PHRF1: variants seen among roughly 807,000 people sequenced by gnomAD.
PHRF1 encodes the protein PHD and ring finger domains 1.
A neutral mutation model predicts 128.9 loss-of-function variants in PHRF1; 53 were observed. That is an observed-to-expected ratio of 0.41 (90% CI 0.33 to 0.52). The LOEUF (loss-of-function observed/expected upper bound fraction) is 0.52, where lower values mean the gene tolerates loss of function less well. Among genes scored for constraint, PHRF1 ranks in the 20% least tolerant of loss-of-function variants. PHRF1 has a pLI of 0.21. For missense variants in PHRF1, 2,503 were observed against 2,284.5 expected, an observed-to-expected ratio of 1.10 and a Z score of -1.95; for synonymous variants, 1,178 against 980.6, an observed-to-expected ratio of 1.20 and a Z score of -3.76.
intron 15 of PHRF1, 62 bp downstream of exon 15, chr11:610,409 C>T (rs1340234060): frequency 6.5e-7 from 1 of 1,538,838 alleles, no homozygotes; most frequent in Non-Finnish European, 8.8e-7. Context: ...GTGCCACACA[C>T]ACCACACTAG....
chr11:592,444 G>T (rs1589875153), intron 5 of PHRF1, 115 bp from the exon 6 acceptor site: 17 of 1,023,422 alleles, frequency 1.7e-5, no homozygotes, highest in Non-Finnish European at 2.2e-5. Context: ...GGCCTGTGGA[G>T]CCCAAATATG....
At position 581,131 on chromosome 11, in the gene PHRF1, TAAA is replaced by T. The variant is rs1854178406; in HGVS notation, c.-21-358_-21-356del. Among the ~76,000 whole-genome samples the T allele has an allele frequency of 2.0e-5, 3 of 152,040 alleles. No homozygotes were observed. The South Asian group carries it at 6.2e-4, about 32-fold the overall frequency. ...GACCAATTTTTTTTTTTTTTTTAGT[TAAA>T]AACAAATTTTTATTTTCTGGCCGGG... On this transcript the variant is annotated intron_variant, in intron 1 of 17. Coordinates refer to ENST00000264555, the MANE Select transcript of PHRF1 (RefSeq NM_001286581.2).
intron 4 of PHRF1, 57 bp from the exon 5 acceptor site, chr11:591,327 T>C (rs2132939251): frequency 2.1e-6 from 3 of 1,459,622 alleles, no homozygotes; most frequent in East Asian, 2.4e-5. Context: ...AAAAGAATTT[T>C]TGATCTCTAA....
intron 4 of PHRF1, among the ~76,000 whole-genome samples, chr11:588,113 G>A (rs948374917): frequency 2.6e-5 from 4 of 152,088 alleles, no homozygotes; most frequent in South Asian, 2.1e-4. Context: ...CCCTCCCTGC[G>A]ATTGCACCAG....
At chr11:598,238 C>G in intron 8 of PHRF1, 135 bp from the exon 9 acceptor site, 1 of 1,266,622 alleles carries the variant, frequency 7.9e-7, no homozygotes, top group Non-Finnish European at 1.1e-6. Context: ...GCCGTGGCTG[C>G]TGCAGTGGCG....
chr11:599,562 C>T (rs1855509988), intron 9 of PHRF1, among the ~76,000 whole-genome samples: 1 of 152,068 alleles, frequency 6.6e-6, no homozygotes, highest in Non-Finnish European at 1.5e-5. Context: ...CTGAAGCGTA[C>T]GTGCTTTTTA....
At chr11:578,239 C>T (rs542130971) in intron 1 of PHRF1, among the ~76,000 whole-genome samples, 2 of 152,198 alleles carry the variant, frequency 1.3e-5, no homozygotes, top group Non-Finnish European at 2.9e-5. Context: ...CGGAGGCTTC[C>T]TGGGTTATTT....
chr11:609,744 C>T (rs765788671), intron 14 of PHRF1, 24 bp downstream of exon 14: 176 of 1,408,128 alleles, frequency 1.2e-4, no homozygotes, highest in Non-Finnish European at 1.5e-4. Flanking sequence ...CGGCCCCCAC[C>T]GAGGACAGAG....
chr11:586,427 A>G (rs1028094366), intron 3 of PHRF1, among the ~76,000 whole-genome samples: 2 of 152,214 alleles, frequency 1.3e-5, no homozygotes, highest in African/African-American at 4.8e-5. Flanking sequence ...CCTTTGCCAG[A>G]TAACAGAGGG....
chr11:591,168 G>T (rs770075583), intron 4 of PHRF1, among the ~76,000 whole-genome samples: 2 of 152,184 alleles, frequency 1.3e-5, no homozygotes, highest in African/African-American at 4.8e-5. Flanking sequence ...GATGCTACGC[G>T]TTCATGGAGC....
intron 1 of PHRF1, among the ~76,000 whole-genome samples, chr11:579,504 T>C (rs903407340): frequency 6.6e-6 from 1 of 152,214 alleles, no homozygotes; most frequent in Non-Finnish European, 1.5e-5. Flanking sequence ...AGAGCTGTGG[T>C]CACTGCTAGG....
rs2133077302 is a variant in PHRF1 at position 608,236 on chromosome 11, G to T, written c.2780G>T (p.Gly927Val). ...CGAGAGGAGCCCACAGAGAGCCAGG[G>T]CCTGGCTGCCCGGCTGCGGAGGCCA... ...TEREEPTESQ[G>V]LAARLRRPSP... Residue 927 changes from glycine to valine, a missense_variant, in exon 14 of 18, where the codon GGC (glycine) becomes GTC (valine). Gly to Val is a moderately radical substitution (Grantham distance 109, BLOSUM62 -3). Coordinates refer to ENST00000264555, the MANE Select transcript of PHRF1 (RefSeq NM_001286581.2). 1 of 1,609,944 alleles carries T rather than the reference G, an allele frequency of 6.2e-7. No homozygotes were observed.
In PHRF1 at chr11:605,157, G is replaced by C. The variant is rs371897803; in HGVS notation, c.1191G>C (p.Leu397=). 2.9e-5 allele frequency: 47 copies of C among 1,612,944 alleles called. No individual in the cohort carries two copies. In the African/African-American group the frequency reaches 6.3e-4, roughly 22 times the overall value. ...CTCGCTCTCGAATCGCGCGGACGCT[G>C]GGCCTGCGCAGGCCTGTTCACAGCA... is the stretch of plus-strand genomic sequence containing the variant. ...ATTRSRIART[L]GLRRPVHSSC... Residue 397 remains leucine (L), a synonymous_variant, in exon 11 of 18, where the codon CTG becomes CTC. Transcript: ENST00000264555.
intron 4 of PHRF1, among the ~76,000 whole-genome samples, chr11:589,464 C>T (rs1433434043): frequency 1.3e-5 from 2 of 152,204 alleles, no homozygotes; most frequent in East Asian, 1.9e-4. Flanking sequence ...GAGAAATTGC[C>T]TACTGGATAT....
rs768079641 is a variant in PHRF1, at chr11:609,548, G to A, written c.4092G>A (p.Ala1364=). The A allele has an allele frequency of 2.1e-5, 34 of 1,599,052 alleles. No individual in the cohort carries two copies. The highest frequency in any genetic ancestry group is 1.3e-4 in the African/African-American group (10 of 74,754). The change falls in exon 14 of 18, where the codon GCG becomes GCA. Residue 1364 remains alanine, a synonymous_variant. Coordinates refer to ENST00000264555, the MANE Select transcript of PHRF1 (RefSeq NM_001286581.2). ...KAEAPSSPDV[A]PAGKEDSPSA... ...AGGCACCCAGTTCCCCGGATGTGGC[G>A]CCTGCGGGGAAGGAAGACAGCCCCT...
intron 6 of PHRF1, among the ~76,000 whole-genome samples, chr11:593,054 C>T (rs1855077653): frequency 6.6e-6 from 1 of 152,200 alleles, no homozygotes; most frequent in Non-Finnish European, 1.5e-5. Flanking sequence ...CACCTTTCAC[C>T]CTGCTCCTCC....
chr11:577,324 C>A (rs1853929879), intron 1 of PHRF1, among the ~76,000 whole-genome samples: 1 of 152,252 alleles, frequency 6.6e-6, no homozygotes, highest in Non-Finnish European at 1.5e-5. Context: ...TGTGTTGCCC[C>A]TTCTTCGGAG....
chr11:589,896 C>T (rs866113413), intron 4 of PHRF1, among the ~76,000 whole-genome samples: 3 of 149,330 alleles, frequency 2.0e-5, no homozygotes, highest in Non-Finnish European at 2.9e-5. Flanking sequence ...TGCAAACGGG[C>T]ATGGAGCGTG....
At chr11:592,214 CTTTTT>C (rs752462346) in intron 5 of PHRF1, among the ~76,000 whole-genome samples, 1 of 138,652 alleles carries the variant, frequency 7.2e-6, no homozygotes. Flanking sequence ...CGTGCCCAGC[CTTTTT>C]TTTTTTTTTT....
Sources: allele counts gnomAD v4.1 joint callset (sites outside exome capture counted in the v4.1 genomes callset), GRCh38; gene constraint gnomAD v4.1.1; transcripts MANE v1.5; gene names NCBI Gene and HGNC (gene_info 2026-07-23, HGNC 2026-07-21).